Variants in SORCS2 observed in about 807,000 individuals in gnomAD.
SORCS2 encodes the protein sortilin related VPS10 domain containing receptor 2.
A neutral mutation model predicts 141.6 loss-of-function variants in SORCS2; 100 were observed. The ratio of observed to expected loss-of-function variants is 0.71; its 90% CI spans 0.60 to 0.83. The LOEUF is 0.83. SORCS2 is among the 40% of genes least tolerant of loss of function. The probability of loss-of-function intolerance (pLI) is 0.00; values close to 1 mark genes in which losing one functional copy is unlikely to be tolerated. For missense variants in SORCS2, 1,646 were observed against 1,560.2 expected, an observed-to-expected ratio of 1.05 and a Z score of -0.93; for synonymous variants, 789 against 676.9, an observed-to-expected ratio of 1.17 and a Z score of -2.57.
At chr4:7,269,520 A>T (rs1412379994) in intron 1 of SORCS2, among the ~76,000 whole-genome samples, 1 of 152,240 alleles carries the variant, frequency 6.6e-6, no homozygotes, top group African/African-American at 2.4e-5. Context: ...GGTGGGCCCT[A>T]AATCCAATGG....
chr4:7,198,914 A>C (rs1727327304), intron 1 of SORCS2, among the ~76,000 whole-genome samples: 1 of 152,126 alleles, frequency 6.6e-6, no homozygotes, highest in Admixed American at 6.5e-5. Context: ...CCCTTGCCCC[A>C]GTCACTCGAC....
At chr4:7,448,661 C>T (rs1245923072) in intron 2 of SORCS2, among the ~76,000 whole-genome samples, 3 of 143,884 alleles carry the variant, frequency 2.1e-5, no homozygotes, top group East Asian at 2.1e-4. Flanking sequence ...TGACTTCCTC[C>T]GTCCCTGCCT....
chr4:7,339,025 C>A (rs1289059737), intron 1 of SORCS2, among the ~76,000 whole-genome samples: 1 of 152,238 alleles, frequency 6.6e-6, no homozygotes, highest in Non-Finnish European at 1.5e-5. Context: ...GGAACTGCAC[C>A]TCTTGGCCAA....
chr4:7,249,324 C>A (rs1350297929), intron 1 of SORCS2, among the ~76,000 whole-genome samples: 1 of 152,112 alleles, frequency 6.6e-6, no homozygotes, highest in Non-Finnish European at 1.5e-5. Context: ...CTTGGGCTTC[C>A]TCACAGCATG....
At chr4:7,206,771 A>C (rs1407269518) in intron 1 of SORCS2, among the ~76,000 whole-genome samples, 3 of 152,052 alleles carry the variant, frequency 2.0e-5, no homozygotes, top group Non-Finnish European at 4.4e-5. Context: ...CCCATTCCCA[A>C]ATTGAATTAG....
intron 4 of SORCS2, among the ~76,000 whole-genome samples, chr4:7,643,547 G>T (rs1188122196): frequency 6.6e-6 from 1 of 152,192 alleles, no homozygotes; most frequent in Non-Finnish European, 1.5e-5. Flanking sequence ...ACACCTTTGG[G>T]TGGGCAATCA....
chr4:7,247,316 T>G (rs942706787), intron 1 of SORCS2, among the ~76,000 whole-genome samples: 3 of 152,186 alleles, frequency 2.0e-5, no homozygotes, highest in African/African-American at 7.2e-5. Context: ...TTTTTTTTTT[T>G]TGCCTTTATT....
intron 1 of SORCS2, among the ~76,000 whole-genome samples, chr4:7,292,432 G>T (rs1716676105): frequency 6.6e-6 from 1 of 152,262 alleles, no homozygotes; most frequent in Admixed American, 6.5e-5. Flanking sequence ...CTGGATCTCA[G>T]GAAGATGCAC....
intron 1 of SORCS2, among the ~76,000 whole-genome samples, chr4:7,344,348 T>C (rs1375452697): frequency 6.6e-6 from 1 of 152,162 alleles, no homozygotes; most frequent in Admixed American, 6.5e-5. Context: ...GTTTATCCCA[T>C]GGAGGCTTCC....
At chr4:7,581,186 A>G (rs1316192302) in intron 3 of SORCS2, among the ~76,000 whole-genome samples, 4 of 151,464 alleles carry the variant, frequency 2.6e-5, no homozygotes, top group Non-Finnish European at 5.9e-5. Flanking sequence ...AAGTTTTTTA[A>G]TGAAAAAGGA....
At chr4:7,581,713 G>T (rs2108759526) in intron 3 of SORCS2, among the ~76,000 whole-genome samples, 1 of 152,198 alleles carries the variant, frequency 6.6e-6, no homozygotes, top group African/African-American at 2.4e-5. Context: ...GGTTGCTTAG[G>T]GTCCCCCACA....
intron 2 of SORCS2, among the ~76,000 whole-genome samples, chr4:7,454,263 TTGGG>T (rs1246233720): frequency 8.7e-6 from 1 of 115,064 alleles, no homozygotes. Context: ...AGGCTCTGTG[TTGGG>T]GTCAGGCTCC....
At chr4:7,267,653 A>G (rs1714840593) in intron 1 of SORCS2, among the ~76,000 whole-genome samples, 1 of 152,202 alleles carries the variant, frequency 6.6e-6, no homozygotes, top group Non-Finnish European at 1.5e-5. Context: ...TAACATGGTA[A>G]AACCCCGTCT....
At chr4:7,494,973 C>T (rs180987622) in intron 2 of SORCS2, among the ~76,000 whole-genome samples, 7 of 152,188 alleles carry the variant, frequency 4.6e-5, no homozygotes, top group Non-Finnish European at 2.9e-5. Flanking sequence ...CAGAGTGGAG[C>T]GCTTGTGAAC....
chr4:7,570,548 G>A (rs1225937077), intron 3 of SORCS2, among the ~76,000 whole-genome samples: 1 of 152,236 alleles, frequency 6.6e-6, no homozygotes, highest in Non-Finnish European at 1.5e-5. Context: ...GCTCCCACCT[G>A]CCTCCCACAC....
chr4:7,273,196 C>T (rs990475675), intron 1 of SORCS2, among the ~76,000 whole-genome samples: 2 of 152,190 alleles, frequency 1.3e-5, no homozygotes, highest in African/African-American at 4.8e-5. Flanking sequence ...AAAACAGACA[C>T]AAATGCATAT....
At chr4:7,344,818 C>G (rs1720563320) in intron 1 of SORCS2, among the ~76,000 whole-genome samples, 1 of 152,212 alleles carries the variant, frequency 6.6e-6, no homozygotes, top group African/African-American at 2.4e-5. Flanking sequence ...CGTGTACTGA[C>G]TCACTGTTTA....
chr4:7,404,935 A>T (rs930160767), intron 2 of SORCS2, among the ~76,000 whole-genome samples: 1 of 152,072 alleles, frequency 6.6e-6, no homozygotes, highest in Non-Finnish European at 1.5e-5. Flanking sequence ...TGCCTAGACA[A>T]ATATTCAGAA....
chr4:7,677,817 T>A (rs1055511286), intron 9 of SORCS2, among the ~76,000 whole-genome samples: 6 of 152,170 alleles, frequency 3.9e-5, no homozygotes, highest in African/African-American at 1.4e-4. Context: ...AAAAGCCCCC[T>A]GCAGGCGGCC....
Sources: gnomAD v4.1 joint callset for allele counts (sites outside exome capture counted in the v4.1 genomes callset) on GRCh38, gnomAD v4.1.1 for gene constraint, MANE v1.5 for transcripts, NCBI Gene and HGNC (gene_info 2026-07-23, HGNC 2026-07-21) for gene names.